The following NYAP2 variants were observed in gnomAD, a reference collection of about 807,000 sequenced individuals.
The protein encoded by NYAP2 is neuronal tyrosine-phosphorylated phosphoinositide-3-kinase adapter 2.
Under a neutral mutation model 50.4 loss-of-function variants are expected in NYAP2, and 23 were observed. That is an observed-to-expected ratio of 0.46 (90% CI 0.33 to 0.65). The LOEUF (loss-of-function observed/expected upper bound fraction) is 0.65, where lower values mean the gene tolerates loss of function less well. Among genes scored for constraint, NYAP2 ranks in the 30% least tolerant of loss-of-function variants. The pLI, the probability that NYAP2 is intolerant of heterozygous loss-of-function variation, is 0.02. For synonymous variants in NYAP2, 394 were observed against 365.2 expected (o/e 1.08, Z -0.90); for missense variants, 885 against 861.0 (o/e 1.03, Z -0.35).
At chr2:225,412,389 A>G (rs1695059950) in intron 3 of NYAP2, among the ~76,000 whole-genome samples, 1 of 151,110 alleles carries the variant, frequency 6.6e-6, no homozygotes, top group Non-Finnish European at 1.5e-5. Flanking sequence ...GAAAGGGAAA[A>G]ATTACTGTTA....
At chr2:225,545,761 G>A (rs1031153341) in intron 4 of NYAP2, among the ~76,000 whole-genome samples, 1 of 152,082 alleles carries the variant, frequency 6.6e-6, no homozygotes, top group African/African-American at 2.4e-5. Flanking sequence ...ATATCTGTTG[G>A]TGTCTGGGGA....
At chr2:225,455,783 A>G (rs1689729697) in intron 3 of NYAP2, among the ~76,000 whole-genome samples, 1 of 152,178 alleles carries the variant, frequency 6.6e-6, no homozygotes, top group Admixed American at 6.5e-5. Context: ...ACCATACTTT[A>G]TGACTGCTGG....
intron 6 of NYAP2, among the ~76,000 whole-genome samples, chr2:225,642,377 AT>A (rs1276959127): frequency 1.3e-5 from 2 of 152,172 alleles, no homozygotes; most frequent in Non-Finnish European, 2.9e-5. Context: ...GGTTTTTGCT[AT>A]GGAAAAATCT....
At chr2:225,656,580 A>G (rs1484975086), downstream of NYAP2, among the ~76,000 whole-genome samples, 5 of 152,162 alleles carry the variant, frequency 3.3e-5, no homozygotes, top group Admixed American at 1.3e-4. Flanking sequence ...CCGGCTGGCA[A>G]TCCTGGATAA....
the NYAP2 span, among the ~76,000 whole-genome samples, chr2:225,694,943 C>A: frequency 6.6e-6 from 1 of 151,038 alleles, no homozygotes; most frequent in African/African-American, 2.4e-5. Flanking sequence ...TGGAGTAAGT[C>A]TGAAAAAAAA....
chr2:225,519,500 C>CTGAA (rs1335362683), intron 4 of NYAP2, among the ~76,000 whole-genome samples: 7 of 148,038 alleles, frequency 4.7e-5, no homozygotes, highest in Admixed American at 1.4e-4. Flanking sequence ...CAGTTCCCAC[C>CTGAA]TATGAGTGAG....
the NYAP2 span, among the ~76,000 whole-genome samples, chr2:225,665,640 C>T: frequency 2.2e-3 from 332 of 149,790 alleles, no homozygotes; most frequent in Non-Finnish European, 4.4e-3. Context: ...GAAACCCCGT[C>T]TCTACTAAAA....
chr2:225,560,932 C>T (rs1035943335), intron 4 of NYAP2, among the ~76,000 whole-genome samples: 2 of 69,326 alleles, frequency 2.9e-5, no homozygotes, highest in South Asian at 9.7e-4. Flanking sequence ...CTTTCCAAAA[C>T]GTTTTTTTTT....
chr2:225,516,049 T>A (rs1230389096), intron 4 of NYAP2, among the ~76,000 whole-genome samples: 1 of 152,118 alleles, frequency 6.6e-6, no homozygotes, highest in Non-Finnish European at 1.5e-5. Flanking sequence ...AAAAGCCGCC[T>A]TCGTGGAGGG....
At chr2:225,470,187 T>C (rs1216163798) in intron 3 of NYAP2, among the ~76,000 whole-genome samples, 5 of 152,178 alleles carry the variant, frequency 3.3e-5, no homozygotes, top group African/African-American at 1.2e-4. Context: ...TTTGTTTTCC[T>C]AATGTTATTT....
upstream of NYAP2, among the ~76,000 whole-genome samples, chr2:225,398,407 C>T (rs919548908): frequency 5.3e-5 from 8 of 151,932 alleles, no homozygotes; most frequent in Admixed American, 3.3e-4. Flanking sequence ...AAAGTGTTTC[C>T]GTTTTCTAAA....
intron 3 of NYAP2, among the ~76,000 whole-genome samples, chr2:225,456,680 C>T (rs1248161196): frequency 6.6e-6 from 1 of 152,138 alleles, no homozygotes; most frequent in Non-Finnish European, 1.5e-5. Flanking sequence ...TATCAGCTTT[C>T]ACCCCATTCC....
intron 3 of NYAP2, among the ~76,000 whole-genome samples, chr2:225,424,545 C>T (rs2106129036): frequency 6.6e-6 from 1 of 151,980 alleles, no homozygotes; most frequent in African/African-American, 2.4e-5. Flanking sequence ...CCTTACATTT[C>T]AATATCTTCA....
intron 6 of NYAP2, among the ~76,000 whole-genome samples, chr2:225,646,239 A>G (rs1693632677): frequency 6.6e-6 from 1 of 152,188 alleles, no homozygotes. Flanking sequence ...GGGATAAACA[A>G]AAATCTCACC....
intron 5 of NYAP2, among the ~76,000 whole-genome samples, chr2:225,623,231 AG>A (rs1170112173): frequency 1.3e-5 from 2 of 152,252 alleles, no homozygotes; most frequent in African/African-American, 4.8e-5. Context: ...AAAGACTCAG[AG>A]GCAGGCAGAG....
At chr2:225,432,814 G>A (rs12614411) in intron 3 of NYAP2, among the ~76,000 whole-genome samples, 127,360 of 152,134 alleles carry the variant, frequency 0.84, 53,859 homozygotes, top group African/African-American at 0.94. Context: ...TTTCTCACCT[G>A]TCTTCTCCAT....
chr2:225,483,071 T>C (rs148728658), intron 3 of NYAP2, among the ~76,000 whole-genome samples: 169 of 152,342 alleles, frequency 1.1e-3, no homozygotes, highest in African/African-American at 3.9e-3. Context: ...ATCCAGGTGA[T>C]GAGTAATGTG....
intron 4 of NYAP2, among the ~76,000 whole-genome samples, chr2:225,541,566 G>T (rs1056603474): frequency 1.3e-5 from 2 of 152,072 alleles, no homozygotes; most frequent in African/African-American, 4.8e-5. Flanking sequence ...CCAAATGTAT[G>T]TTCTTGGAAC....
At chr2:225,676,971 T>G in the NYAP2 span, among the ~76,000 whole-genome samples, 1 of 152,142 alleles carries the variant, frequency 6.6e-6, no homozygotes. Flanking sequence ...ATAGGGATAG[T>G]ATTGAATGTG....
Sources: allele counts gnomAD v4.1 joint callset (sites outside exome capture counted in the v4.1 genomes callset), GRCh38; gene constraint gnomAD v4.1.1; transcripts MANE v1.5; gene names NCBI Gene and HGNC (gene_info 2026-07-23, HGNC 2026-07-21).